The following SCARA5 variants were observed in gnomAD, a reference collection of about 807,000 sequenced individuals.
SCARA5 encodes the protein scavenger receptor class A, member 5 (putative).
SCARA5 carries 45 observed loss-of-function variants against 46.3 expected under a neutral mutation model. The ratio of observed to expected loss-of-function variants is 0.97; its 90% CI spans 0.76 to 1.24. The LOEUF (loss-of-function observed/expected upper bound fraction) is 1.24. Among genes scored for constraint, SCARA5 ranks in the 50% most tolerant of loss-of-function variants. SCARA5 has a pLI of 0.00. For missense variants in SCARA5, 680 were observed against 689.0 expected (o/e 0.99, Z 0.15); for synonymous variants, 333 against 306.5 (o/e 1.09, Z -0.90).
intron 3 of SCARA5, among the ~76,000 whole-genome samples, chr8:27,926,506 T>C (rs1342427189): frequency 2.0e-5 from 3 of 151,822 alleles, no homozygotes; most frequent in Non-Finnish European, 4.4e-5. Context: ...AAATGATGAG[T>C]TGATGTGTGC....
At chr8:27,896,532 C>T (rs984436374) in intron 7 of SCARA5, among the ~76,000 whole-genome samples, 4 of 152,134 alleles carry the variant, frequency 2.6e-5, no homozygotes, top group East Asian at 3.8e-4. Context: ...GATGGGATGA[C>T]GACATACCCC....
At chr8:27,892,608 T>TC (rs1292260970) in intron 7 of SCARA5, among the ~76,000 whole-genome samples, 1 of 115,952 alleles carries the variant, frequency 8.6e-6, no homozygotes, top group African/African-American at 3.5e-5. Context: ...ACCTCACCCT[T>TC]TTTTTTTTTT....
chr8:27,926,706 C>G (rs1229402594), intron 3 of SCARA5, among the ~76,000 whole-genome samples: 1 of 152,092 alleles, frequency 6.6e-6, no homozygotes, highest in Non-Finnish European at 1.5e-5. Context: ...AGTTTGATCT[C>G]AAGTGTGAGA....
At chr8:27,985,182 C>A (rs1406448101) in intron 2 of SCARA5, among the ~76,000 whole-genome samples, 1 of 151,912 alleles carries the variant, frequency 6.6e-6, no homozygotes, top group Non-Finnish European at 1.5e-5. Flanking sequence ...GGAAGTCAGA[C>A]CACGGAAGAA....
At chr8:27,952,252 G>A (rs1019572728) in intron 3 of SCARA5, among the ~76,000 whole-genome samples, 4 of 152,308 alleles carry the variant, frequency 2.6e-5, no homozygotes, top group African/African-American at 7.2e-5. Context: ...TAGAGGGAGT[G>A]CAGCCTTTGC....
At chr8:27,912,057 C>T (rs1807386129) in intron 4 of SCARA5, among the ~76,000 whole-genome samples, 1 of 152,090 alleles carries the variant, frequency 6.6e-6, no homozygotes, top group Non-Finnish European at 1.5e-5. Context: ...TCAGAGGGAA[C>T]GTGGCCCTGT....
intron 8 of SCARA5, among the ~76,000 whole-genome samples, chr8:27,877,901 C>A (rs1308715939): frequency 1.3e-5 from 2 of 152,244 alleles, no homozygotes; most frequent in Non-Finnish European, 2.9e-5. Flanking sequence ...ACTGCAGCAG[C>A]CCCTTATGGG....
intron 3 of SCARA5, among the ~76,000 whole-genome samples, chr8:27,926,336 CTA>C (rs1306760658): frequency 2.6e-5 from 4 of 152,088 alleles, no homozygotes; most frequent in Non-Finnish European, 2.9e-5. Context: ...TCTCAGCAAA[CTA>C]TCACAAGGAC....
At chr8:27,947,193 G>C (rs576942602) in intron 3 of SCARA5, among the ~76,000 whole-genome samples, 119 of 152,194 alleles carry the variant, frequency 7.8e-4, no homozygotes, top group Non-Finnish European at 1.4e-3. Flanking sequence ...TGTATTTTTA[G>C]TAGAGACAGG....
intron 7 of SCARA5, among the ~76,000 whole-genome samples, chr8:27,883,002 A>T (rs895183824): frequency 1.3e-5 from 2 of 152,164 alleles, no homozygotes; most frequent in African/African-American, 4.8e-5. Flanking sequence ...ATGCAAACAA[A>T]ATGCAACAAA....
At chr8:27,938,073 G>A (rs191687277) in intron 3 of SCARA5, among the ~76,000 whole-genome samples, 60 of 152,166 alleles carry the variant, frequency 3.9e-4, no homozygotes, top group African/African-American at 1.3e-3. Flanking sequence ...CAGTAACGGC[G>A]GGTGCCCATT....
chr8:27,877,798 C>T (rs148669719), intron 8 of SCARA5, among the ~76,000 whole-genome samples: 7 of 152,262 alleles, frequency 4.6e-5, no homozygotes, highest in East Asian at 3.9e-4. Flanking sequence ...GCCCTTAAGA[C>T]GGCACTCCCT....
chr8:27,901,348 C>T (rs1807149994), intron 7 of SCARA5, among the ~76,000 whole-genome samples: 1 of 152,176 alleles, frequency 6.6e-6, no homozygotes, highest in East Asian at 1.9e-4. Context: ...AGAGGCCACC[C>T]TGGTTAGCGG....
At chr8:27,929,730 C>G (rs1168238813) in intron 3 of SCARA5, among the ~76,000 whole-genome samples, 1 of 152,148 alleles carries the variant, frequency 6.6e-6, no homozygotes, top group Non-Finnish European at 1.5e-5. Flanking sequence ...GCAGGCGGAG[C>G]AGGAAAGGAG....
chr8:27,920,920 G>A (rs1263430891), intron 4 of SCARA5, among the ~76,000 whole-genome samples: 1 of 152,042 alleles, frequency 6.6e-6, no homozygotes, highest in African/African-American at 2.4e-5. Context: ...AGCTTGCAGT[G>A]AGCTGAGATC....
rs1806608679 is a variant in SCARA5 at position 27,869,943 on chromosome 8, G to C, written c.*1991C>G. 6.6e-6 allele frequency: 1 copy of C among 152,182 alleles called. No individual in the cohort carries two copies. Among genetic ancestry groups the C allele is most frequent in the Admixed American group, 6.5e-5 (1 of 15,284 alleles). 9.4% of individuals were successfully genotyped at this position (152,182 alleles called of 1,614,324 possible). A position where few individuals can be genotyped will look rare whatever the true frequency, so the allele number is the denominator to read the frequency against. On this transcript the variant is annotated 3_prime_UTR_variant, in exon 9 of 9. Transcript: ENST00000354914. ...TTACAAAAGGTCTGATGTATTTTAGGCCAGGCCTAATTTGCTTTGGTCCCT... is the reference window on the plus strand; with the variant it reads ...TTACAAAAGGTCTGATGTATTTTAGCCCAGGCCTAATTTGCTTTGGTCCCT...
At chr8:27,906,752 G>T (rs1456168455) in intron 6 of SCARA5, among the ~76,000 whole-genome samples, 2 of 152,114 alleles carry the variant, frequency 1.3e-5, no homozygotes, top group Non-Finnish European at 2.9e-5. Flanking sequence ...TGTCACCCAG[G>T]GTGGTGGCAC....
intron 2 of SCARA5, among the ~76,000 whole-genome samples, chr8:27,967,888 G>A (rs888973355): frequency 4.6e-5 from 7 of 152,200 alleles, no homozygotes; most frequent in Admixed American, 2.6e-4. Context: ...ACTCCAGCCT[G>A]GGTGTCACAG....
chr8:27,902,856 A>G (rs1024335630), intron 7 of SCARA5, among the ~76,000 whole-genome samples: 6 of 151,824 alleles, frequency 4.0e-5, no homozygotes, highest in Admixed American at 3.9e-4. Context: ...CTGGAAAGGG[A>G]CTCTAGAGAA....
Sources: allele counts gnomAD v4.1 joint callset (sites outside exome capture counted in the v4.1 genomes callset), GRCh38; gene constraint gnomAD v4.1.1; transcripts MANE v1.5; gene names NCBI Gene and HGNC (gene_info 2026-07-23, HGNC 2026-07-21).